Variants in DCC observed in about 807,000 individuals in gnomAD.
DCC encodes the protein netrin receptor DCC.
In DCC, 58 loss-of-function variants were observed where a neutral mutation model predicts 172.5. That is an observed-to-expected ratio of 0.34 (90% CI 0.27 to 0.42). The LOEUF (loss-of-function observed/expected upper bound fraction) is 0.42, where lower values mean the gene tolerates loss of function less well. Ranked by LOEUF, DCC falls within the 10% of genes least tolerant of loss-of-function variation. DCC has a pLI of 1.00. For synonymous variants in DCC, 709 were observed against 644.5 expected (o/e 1.10, Z -1.52); for missense variants, 1,740 against 1,791.0 (o/e 0.97, Z 0.51).
chr18:52,841,207 C>A (rs1273607849), intron 2 of DCC, among the ~76,000 whole-genome samples: 1 of 151,706 alleles, frequency 6.6e-6, no homozygotes, highest in Non-Finnish European at 1.5e-5. Flanking sequence ...AAATCTGGGA[C>A]CTTGTTGGCT....
At chr18:53,025,302 T>G (rs1254662729) in intron 5 of DCC, among the ~76,000 whole-genome samples, 2 of 152,048 alleles carry the variant, frequency 1.3e-5, no homozygotes, top group Admixed American at 1.3e-4. Context: ...AAAAATAAAT[T>G]TGTGCTATCC....
chr18:53,495,961 G>A (rs1568168082), intron 26 of DCC, among the ~76,000 whole-genome samples: 2 of 152,148 alleles, frequency 1.3e-5, no homozygotes, highest in African/African-American at 2.4e-5. Context: ...CCCAGTCAGG[G>A]ACTTATAGGT....
In DCC at chr18:52,504,565, G is replaced by C. The variant is rs191817217; in HGVS notation, c.91+163687G>C. Among the ~76,000 whole-genome samples the C allele has an allele frequency of 2.2e-3, 331 of 152,248 alleles. 1 individual carries two copies. The highest frequency in any genetic ancestry group is 7.2e-3 in the African/African-American group (301 of 41,550). Reference sequence around the variant, plus strand: ...TCTTTCCTTAGAGTCATATTGGCTTGGTTGGGATCCCTGGCCCCTGCCAGC... The same window carrying C: ...TCTTTCCTTAGAGTCATATTGGCTTCGTTGGGATCCCTGGCCCCTGCCAGC... On this transcript the variant is annotated intron_variant, in intron 1 of 28. Coordinates refer to ENST00000442544, the MANE Select transcript of DCC (RefSeq NM_005215.4).
intron 2 of DCC, among the ~76,000 whole-genome samples, chr18:52,875,574 A>G (rs2039391193): frequency 6.6e-6 from 1 of 152,188 alleles, no homozygotes; most frequent in Non-Finnish European, 1.5e-5. Flanking sequence ...GCAGTCAGGG[A>G]TGCTATAGCA....
intron 7 of DCC, among the ~76,000 whole-genome samples, chr18:53,106,040 T>C (rs906924043): frequency 6.6e-6 from 1 of 151,690 alleles, no homozygotes; most frequent in Admixed American, 6.6e-5. Context: ...TGTCATTTTG[T>C]ATTTTATTTG....
intron 1 of DCC, among the ~76,000 whole-genome samples, chr18:52,711,607 TA>T (rs2036293175): frequency 1.3e-5 from 2 of 152,144 alleles, no homozygotes; most frequent in South Asian, 4.1e-4. Flanking sequence ...CCAACAGACT[TA>T]GATGTTGGGG....
chr18:52,652,975 T>C (rs997392273), intron 1 of DCC, among the ~76,000 whole-genome samples: 3 of 152,114 alleles, frequency 2.0e-5, no homozygotes, highest in African/African-American at 7.2e-5. Context: ...GGAAAGGGTA[T>C]ATCAATTACT....
chr18:52,428,815 A>G (rs959073064), intron 1 of DCC, among the ~76,000 whole-genome samples: 2 of 152,056 alleles, frequency 1.3e-5, no homozygotes, highest in African/African-American at 2.4e-5. Flanking sequence ...ATCCAACTGT[A>G]TTTTCTCTAA....
chr18:52,845,919 TTTCTGA>T (rs1484750819), intron 2 of DCC, among the ~76,000 whole-genome samples: 1 of 150,064 alleles, frequency 6.7e-6, no homozygotes, highest in African/African-American at 2.4e-5. Context: ...TAGTTTGTTG[TTTCTGA>T]TTGATTATAC....
chr18:53,305,617 C>G lies in DCC; in HGVS notation c.1951C>G (p.Gln651Glu), dbSNP rs1450812881. The change falls in exon 13 of 29, where the codon CAA becomes GAA. Residue 651 changes from glutamine to glutamate, a missense_variant. By Grantham distance (29) the Gln-to-Glu change is conservative. This residue lies in a region of DCC where 1,732 missense variants were observed against 1,767.4 expected (regional missense o/e 0.98). Coordinates refer to ENST00000442544, the MANE Select transcript of DCC (RefSeq NM_005215.4). ...CTGGCTGCCTCCTCCATCAGGAACA[C>G]AAAATGGATTTATTACCGGCTATAA... is the stretch of plus-strand genomic sequence containing the variant. Reference protein sequence around the residue: ...VSWLPPPSGTQNGFITGYKIR... With the variant: ...VSWLPPPSGTENGFITGYKIR... The G allele has an allele frequency of 5.0e-6, 8 of 1,613,440 alleles. No homozygotes were observed. Among genetic ancestry groups the G allele is most frequent in the Admixed American group, 3.3e-5 (2 of 59,998 alleles).
At chr18:52,667,115 T>C (rs1376421269) in intron 1 of DCC, among the ~76,000 whole-genome samples, 1 of 152,122 alleles carries the variant, frequency 6.6e-6, no homozygotes, top group African/African-American at 2.4e-5. Flanking sequence ...CTGTTGAGAC[T>C]GAAGATAGGC....
chr18:53,207,859 A>C, intron 11 of DCC, 42 bp downstream of exon 11: 1 of 1,534,912 alleles, frequency 6.5e-7, no homozygotes, highest in Non-Finnish European at 9.0e-7. Context: ...TATTTGACAT[A>C]ATATTGACAA....
chr18:53,316,993 G>T (rs2057351037), intron 13 of DCC, among the ~76,000 whole-genome samples: 1 of 152,190 alleles, frequency 6.6e-6, no homozygotes, highest in African/African-American at 2.4e-5. Context: ...TTTGAATAGG[G>T]ATGGTGAGAG....
chr18:53,165,424 A>C (rs2054903049), intron 8 of DCC, among the ~76,000 whole-genome samples: 2 of 152,136 alleles, frequency 1.3e-5, no homozygotes, highest in South Asian at 2.1e-4. Flanking sequence ...CGCTCTTCAG[A>C]GTTGAGGACT....
chr18:52,529,616 T>C (rs150160375), intron 1 of DCC, among the ~76,000 whole-genome samples: 1 of 152,228 alleles, frequency 6.6e-6, no homozygotes, highest in Non-Finnish European at 1.5e-5. Flanking sequence ...AGTAACACGC[T>C]GTTATTTCCT....
At chr18:52,740,526 C>T (rs536306201) in intron 1 of DCC, among the ~76,000 whole-genome samples, 3 of 152,274 alleles carry the variant, frequency 2.0e-5, no homozygotes, top group Non-Finnish European at 4.4e-5. Flanking sequence ...CCACATCAGA[C>T]GTTATGCCAC....
intron 1 of DCC, among the ~76,000 whole-genome samples, chr18:52,427,831 C>CCTTTCTTCCTTCCTTT (rs1568165714): frequency 2.1e-5 from 1 of 47,672 alleles, no homozygotes; most frequent in African/African-American, 6.1e-5. Flanking sequence ...TTCCTTCCTT[C>CCTTTCTTCCTTCCTTT]CTTTCTTCCT....
intron 1 of DCC, among the ~76,000 whole-genome samples, chr18:52,722,269 C>T (rs765579869): frequency 3.9e-5 from 6 of 152,096 alleles, no homozygotes; most frequent in Non-Finnish European, 7.4e-5. Flanking sequence ...AAGGAACATG[C>T]TTATATTGTT....
chr18:52,581,209 A>ATCTATCTATCTATCTATCTATCTATCT (rs10529459), intron 1 of DCC, among the ~76,000 whole-genome samples: 3 of 152,102 alleles, frequency 2.0e-5, no homozygotes, highest in South Asian at 2.1e-4. Flanking sequence ...CTATCTATCT[A>ATCTATCTATCTATCTATCTATCTATCT]AATTTGTAGT....
Sources: gnomAD v4.1 joint callset for allele counts (sites outside exome capture counted in the v4.1 genomes callset) on GRCh38, gnomAD v4.1.1 for gene constraint, gnomAD v4.1.1 regional missense constraint, MANE v1.5 for transcripts, NCBI Gene and HGNC (gene_info 2026-07-23, HGNC 2026-07-21) for gene names.